The following RYR1 variants were observed in gnomAD, a reference collection of about 807,000 sequenced individuals.
The protein encoded by RYR1 is ryanodine receptor 1, also known as central core disease of muscle.
A neutral mutation model predicts 583.5 loss-of-function variants in RYR1; 342 were observed. The observed-to-expected ratio is 0.59, with a 90% CI of 0.54 to 0.64. The LOEUF (loss-of-function observed/expected upper bound fraction) is 0.64. Ranked by LOEUF, RYR1 falls within the 30% of genes least tolerant of loss-of-function variation. RYR1 has a pLI of 0.00. For missense variants in RYR1, 6,032 were observed against 6,917.2 expected, an observed-to-expected ratio of 0.87 and a Z score of 4.54; for synonymous variants, 2,791 against 2,822.5, an observed-to-expected ratio of 0.99 and a Z score of 0.35.
chr19:38,536,883 TCAGCAGGTGCACCCTGC>T (rs1441042577), intron 83 of RYR1, 116 bp downstream of exon 83: 2 of 1,117,668 alleles, frequency 1.8e-6, no homozygotes, highest in African/African-American at 3.1e-5. Flanking sequence ...GAGGGACCCT[TCAGCAGGTGCACCCTGC>T]CAGTGCAAAA....
chr19:38,527,943 G>T, intron 73 of RYR1, 159 bp downstream of exon 73: 1 of 734,360 alleles, frequency 1.4e-6, no homozygotes, highest in Non-Finnish European at 2.1e-6. Context: ...AGAATGGATC[G>T]GGGGAGGGGT....
At chr19:38,516,312 T>G (rs1970969150) in intron 65 of RYR1, 95 bp downstream of exon 65, 5 of 1,455,138 alleles carry the variant, frequency 3.4e-6, no homozygotes, top group Non-Finnish European at 4.7e-6. Context: ...GTGGCTGGGC[T>G]GGGCTGTGAG....
intron 76 of RYR1, among the ~76,000 whole-genome samples, chr19:38,529,775 G>A (rs1415882761): frequency 6.6e-6 from 1 of 152,210 alleles, no homozygotes; most frequent in Non-Finnish European, 1.5e-5. Context: ...AAATAATTGT[G>A]ATGCAGATGG....
chr19:38,459,528 C>T (rs1447692486), intron 19 of RYR1, among the ~76,000 whole-genome samples, 190 bp downstream of exon 19: 1 of 152,132 alleles, frequency 6.6e-6, no homozygotes, highest in Non-Finnish European at 1.5e-5. Context: ...TTCCAATGAC[C>T]TCAGATTCTC....
At chr19:38,456,278 T>TTTA (rs1376162571) in intron 16 of RYR1, among the ~76,000 whole-genome samples, 1 of 144,522 alleles carries the variant, frequency 6.9e-6, no homozygotes, top group Non-Finnish European at 1.5e-5. Flanking sequence ...CCTGGCATTT[T>TTTA]TTTTTTTTTT....
rs1038746950 is a variant in RYR1 at position 38,584,877 on chromosome 19, C to T, written c.14647-66C>T. The T allele has an allele frequency of 3.6e-5, 57 of 1,598,138 alleles. 1 individual carries two copies. The highest frequency in any genetic ancestry group is 1.6e-4 in the South Asian group (14 of 89,926). ...ACCATGTCTTCAGCCCTGCCTATCC[C>T]GGGGCCTTGGCTGGTACTCAGTGAA... On this transcript the variant is annotated intron_variant, in intron 101 of 105. Transcript: ENST00000359596.
intron 96 of RYR1, 66 bp downstream of exon 96, chr19:38,573,373 C>A (rs1270861536): frequency 5.7e-6 from 9 of 1,573,932 alleles, no homozygotes; most frequent in Non-Finnish European, 6.9e-6. Flanking sequence ...CCAGTCCAGG[C>A]CTGGACCCCA....
chr19:38,534,139 G>A (rs991491440), intron 78 of RYR1, among the ~76,000 whole-genome samples: 17 of 151,416 alleles, frequency 1.1e-4, no homozygotes, highest in African/African-American at 4.1e-4. Context: ...AGCCTCCCAA[G>A]TAGCTAGGAC....
chr19:38,453,239 C>T (rs955646169), intron 13 of RYR1, among the ~76,000 whole-genome samples: 2 of 148,596 alleles, frequency 1.3e-5, no homozygotes, highest in Non-Finnish European at 3.0e-5. Flanking sequence ...TGGGCAGGAC[C>T]TTTGGGAAGG....
At chr19:38,463,141 GCCC>G (rs34883994) in intron 20 of RYR1, among the ~76,000 whole-genome samples, 1 of 32,952 alleles carries the variant, frequency 3.0e-5, no homozygotes, top group African/African-American at 2.1e-4. Flanking sequence ...CAGGCGATCT[GCCC>G]CCCCCCCCCC....
chr19:38,466,640 T>C (rs1427418243), intron 24 of RYR1, among the ~76,000 whole-genome samples: 2 of 152,064 alleles, frequency 1.3e-5, no homozygotes, highest in African/African-American at 4.8e-5. Context: ...TAGCTGGGAT[T>C]ACCGGCGGGT....
At position 38,492,610 on chromosome 19, in the gene RYR1, A is replaced by T. The variant is rs764547394; in HGVS notation, c.6248A>T (p.Glu2083Val). The T allele has an allele frequency of 6.3e-7, 1 of 1,594,900 alleles. No individual in the cohort carries two copies. The highest frequency in any genetic ancestry group is 8.6e-7 in the Non-Finnish European group (1 of 1,167,898). The change falls in exon 38 of 106, where the codon GAG becomes GTG. Residue 2083 changes from glutamate (E) to valine (V), a missense_variant. Around this residue, in one of 11 missense-constraint regions of RYR1, gnomAD observed 2,627 missense variants for 2,961.3 expected, o/e 0.89. Transcript: ENST00000359596. ...AAGAAGGAAGAGAAACCTGAGGAGGAGCGGTCAGCAGAGGAGAGCAAACCC... is the reference window on the plus strand; with the variant it reads ...AAGAAGGAAGAGAAACCTGAGGAGGTGCGGTCAGCAGAGGAGAGCAAACCC... ...VKKKEEKPEE[E>V]RSAEESKPRS...
chr19:38,521,792 C>T (rs1971237674), intron 67 of RYR1, among the ~76,000 whole-genome samples: 1 of 145,832 alleles, frequency 6.9e-6, no homozygotes, highest in Non-Finnish European at 1.5e-5. Context: ...CTGCAAGCTC[C>T]ACCTCCCGGG....
intron 64 of RYR1, among the ~76,000 whole-genome samples, chr19:38,515,620 T>C (rs924749336): frequency 2.6e-5 from 4 of 151,980 alleles, no homozygotes; most frequent in African/African-American, 9.7e-5. Flanking sequence ...ATAGTGAGAC[T>C]CCATCTCTAC....
At chr19:38,478,363 T>C in intron 30 of RYR1, 72 bp from the exon 31 acceptor site, 1 of 1,558,430 alleles carries the variant, frequency 6.4e-7, no homozygotes, top group African/African-American at 1.4e-5. Context: ...TTCCGGGAGC[T>C]TGGGGAAGGG....
chr19:38,505,837 A>C lies in RYR1; in HGVS notation c.8432A>C (p.Glu2811Ala), dbSNP rs373238255. Residue 2811 changes from glutamate (E) to alanine (A), a missense_variant, in exon 54 of 106, where the codon GAG becomes GCG. This residue lies in a region of RYR1 where 1,493 missense variants were observed against 1,715.5 expected (regional missense o/e 0.87). Coordinates refer to ENST00000359596, the MANE Select transcript of RYR1 (RefSeq NM_000540.3). ...GAGATTTACCGCTGGCCCATCAAGGAGTCCCTGAAGGCCATGATTGCCTGG... is the reference window on the plus strand; with the variant it reads ...GAGATTTACCGCTGGCCCATCAAGGCGTCCCTGAAGGCCATGATTGCCTGG... ...DKEIYRWPIK[E>A]SLKAMIAWEW... 8 of 1,614,034 alleles carry C rather than the reference A, an allele frequency of 5.0e-6. No homozygotes were observed. The highest frequency in any genetic ancestry group is 6.8e-6 in the Non-Finnish European group (8 of 1,180,026).
intron 99 of RYR1, 79 bp from the exon 100 acceptor site, chr19:38,579,903 C>T: frequency 1.3e-6 from 2 of 1,598,592 alleles, no homozygotes; most frequent in Non-Finnish European, 1.7e-6. Flanking sequence ...ACAGCTGACT[C>T]TCGAGTGGCC....
chr19:38,483,219 C>A lies in RYR1; in HGVS notation c.4708-71C>A. 3 of 1,586,572 alleles carry A rather than the reference C, an allele frequency of 1.9e-6. No individual in the cohort carries two copies. Among genetic ancestry groups the A allele is most frequent in the Non-Finnish European group, 1.7e-6 (2 of 1,161,842 alleles). ...AAGGGGAGGGGGCAATCCAAGAGGT[C>A]TCCCTGGAAGTGGTGTGGTGGGACA... On this transcript the variant is annotated intron_variant, in intron 32 of 105. Transcript: ENST00000359596. This position sits in a 1 kb window ranked among gnomAD's most constrained non-coding sequence, Gnocchi z 6.3.
chr19:38,444,565 G>T lies in RYR1; in HGVS notation c.538-19G>T, dbSNP rs200085496. 1.9e-6 allele frequency: 3 copies of T among 1,608,248 alleles called. No homozygotes were observed. The highest frequency in any genetic ancestry group is 2.6e-6 in the Non-Finnish European group (3 of 1,176,064). Reference sequence around the variant, plus strand: ...ACCCCTGCAATCGTCTCTGACTGCCGCATCCTGGTGGCCCCCAGCACCTGT... The same window carrying T: ...ACCCCTGCAATCGTCTCTGACTGCCTCATCCTGGTGGCCCCCAGCACCTGT... On this transcript the variant is annotated intron_variant, in intron 6 of 105. Coordinates refer to ENST00000359596, the MANE Select transcript of RYR1 (RefSeq NM_000540.3). The surrounding 1 kb of genome is among the most constrained non-coding windows in gnomAD (Gnocchi z 5.1).
Sources: allele counts gnomAD v4.1 joint callset (sites outside exome capture counted in the v4.1 genomes callset), GRCh38; gene constraint gnomAD v4.1.1; regional missense constraint gnomAD v4.1.1; non-coding constraint Gnocchi (gnomAD v3.1); transcripts MANE v1.5; gene names NCBI Gene and HGNC (gene_info 2026-07-23, HGNC 2026-07-21).